The following FRK variants were observed in gnomAD, a reference collection of about 807,000 sequenced individuals.
The protein encoded by FRK is tyrosine-protein kinase FRK.
A neutral mutation model predicts 56.4 loss-of-function variants in FRK; 51 were observed. The observed-to-expected ratio is 0.90, with a 90% CI of 0.72 to 1.14. FRK has a LOEUF of 1.14. Among genes scored for constraint, FRK ranks in the 50% most tolerant of loss-of-function variants. The pLI, the probability that FRK is intolerant of heterozygous loss-of-function variation, is 0.00. For synonymous variants in FRK, 245 were observed against 217.9 expected, an observed-to-expected ratio of 1.12 and a Z score of -1.10; for missense variants, 570 against 601.4, an observed-to-expected ratio of 0.95 and a Z score of 0.55.
At chr6:115,943,846 A>G (rs1772307824) in intron 6 of FRK, among the ~76,000 whole-genome samples, 1 of 152,186 alleles carries the variant, frequency 6.6e-6, no homozygotes, top group African/African-American at 2.4e-5. Context: ...CAAAAAGCCA[A>G]TGATTGCTGA....
rs1161721076 is a variant in FRK at position 115,934,883 on chromosome 6, T to C, written c.*7531A>G. 1.3e-5 allele frequency: 2 copies of C among 152,154 alleles called. No individual in the cohort carries two copies. Among genetic ancestry groups the C allele is most frequent in the Non-Finnish European group, 1.5e-5 (1 of 68,024 alleles). 9.4% of individuals were successfully genotyped at this position (152,154 alleles called of 1,614,324 possible). The stretch of plus-strand genomic sequence containing the variant: ...TGCATTGTTTAAAAAAACAATAACT[T>C]TGTTACAAAGTTTAATTCAAACTTA... On this transcript the variant is annotated 3_prime_UTR_variant, in exon 8 of 8. Transcript: ENST00000606080.
At chr6:116,051,108 C>T (rs1396710315) in intron 1 of FRK, among the ~76,000 whole-genome samples, 4 of 152,098 alleles carry the variant, frequency 2.6e-5, no homozygotes, top group South Asian at 2.1e-4. Flanking sequence ...AATCATGCTG[C>T]CAATGTGGTA....
In FRK at chr6:115,932,818, CAGAGTCGGAA is replaced by C. The variant is rs1473980494; in HGVS notation, c.*9586_*9595del. The stretch of plus-strand genomic sequence containing the variant: ...GGCAACAGTTTCCTTTAGGCCTCCA[CAGAGTCGGAA>C]GAGTTTGGGCCCCTCCTGGTTCATT... On this transcript the variant is annotated 3_prime_UTR_variant, in exon 8 of 8. Coordinates refer to ENST00000606080, the MANE Select transcript of FRK (RefSeq NM_002031.3). 6.6e-6 allele frequency: 1 copy of C among 152,238 alleles called. No individual in the cohort carries two copies. Among genetic ancestry groups the C allele is most frequent in the African/African-American group, 2.4e-5 (1 of 41,448 alleles). The allele number at this position is 152,238 out of a possible 1,614,324, so 9.4% of individuals were successfully genotyped here. A position where few individuals can be genotyped will look rare whatever the true frequency, so the allele number is the denominator to read the frequency against.
intron 1 of FRK, among the ~76,000 whole-genome samples, chr6:116,052,881 A>G (rs775827042): frequency 5.4e-4 from 83 of 152,316 alleles, no homozygotes; most frequent in South Asian, 8.3e-4. Flanking sequence ...AGACAGAAGT[A>G]AAAGAGGAGC....
At chr6:116,098,050 G>A in the FRK span, among the ~76,000 whole-genome samples, 443 of 150,194 alleles carry the variant, frequency 2.9e-3, 4 homozygotes, top group African/African-American at 0.01. Flanking sequence ...AGATCAAGGC[G>A]CTGTCAGGGT....
chr6:115,967,492 G>A (rs374884285), intron 4 of FRK, 59 bp downstream of exon 4: 2 of 1,500,630 alleles, frequency 1.3e-6, no homozygotes, highest in East Asian at 2.3e-5. Context: ...GATATTTACA[G>A]TGTTAAATTG....
intron 1 of FRK, among the ~76,000 whole-genome samples, chr6:116,024,534 C>T (rs377480966): frequency 1.3e-4 from 20 of 151,128 alleles, no homozygotes; most frequent in Middle Eastern, 3.4e-3. Flanking sequence ...TTTGTTCTTG[C>T]GATAGTTTAC....
intron 1 of FRK, among the ~76,000 whole-genome samples, chr6:116,020,465 A>G (rs921679667): frequency 3.3e-5 from 5 of 151,814 alleles, no homozygotes; most frequent in African/African-American, 1.2e-4. Context: ...CTAATTTTGT[A>G]TTTTTAGTAG....
chr6:115,971,675 C>A (rs1386393283), intron 2 of FRK, among the ~76,000 whole-genome samples: 2 of 152,160 alleles, frequency 1.3e-5, no homozygotes, highest in African/African-American at 2.4e-5. Flanking sequence ...CTTAAAATCA[C>A]AAACAGTGTC....
At chr6:116,023,736 C>T (rs909894555) in intron 1 of FRK, among the ~76,000 whole-genome samples, 2 of 152,032 alleles carry the variant, frequency 1.3e-5, no homozygotes, top group East Asian at 1.9e-4. Context: ...TTTAGGCGTT[C>T]GAAGCCAGCC....
chr6:116,091,845 G>A, the FRK span, among the ~76,000 whole-genome samples: 1 of 152,150 alleles, frequency 6.6e-6, no homozygotes, highest in Non-Finnish European at 1.5e-5. Flanking sequence ...TGAGCCGAGG[G>A]TCGACGGAGA....
intron 2 of FRK, among the ~76,000 whole-genome samples, chr6:115,987,744 G>T (rs1409204761): frequency 6.6e-6 from 1 of 152,022 alleles, no homozygotes; most frequent in Non-Finnish European, 1.5e-5. Context: ...CTGGCACTTA[G>T]TAGGCATTAA....
chr6:115,968,677 G>C lies in FRK; in HGVS notation c.529C>G (p.Leu177Val). 2 of 1,613,730 alleles carry C rather than the reference G, an allele frequency of 1.2e-6. No individual in the cohort carries two copies. The change falls in exon 3 of 8, where the codon CTC becomes GTC. Residue 177 changes from leucine to valine, a missense_variant. Leu to Val is a conservative substitution (Grantham distance 32). Transcript: ENST00000606080. ...GTTGAAAAGATTCTTCTTCGCGTGA[G>C]AAAAAATCCCCCTTCATCCAGTCTT... is the stretch of plus-strand genomic sequence containing the variant. The part of the protein sequence containing the change: ...IKRLDEGGFF[L>V]TRRRIFSTLN...
chr6:115,959,551 T>C (rs1315057658), intron 4 of FRK, among the ~76,000 whole-genome samples: 2 of 152,194 alleles, frequency 1.3e-5, no homozygotes, highest in African/African-American at 2.4e-5. Context: ...AGCACTCACA[T>C]AGCATCTGGC....
chr6:116,001,425 A>G (rs544264132), intron 2 of FRK, among the ~76,000 whole-genome samples: 1 of 152,280 alleles, frequency 6.6e-6, no homozygotes, highest in East Asian at 1.9e-4. Flanking sequence ...AGTCTTCAAG[A>G]TGGATCCCAA....
chr6:116,002,369 A>G (rs1442507577), intron 2 of FRK, among the ~76,000 whole-genome samples: 1 of 152,230 alleles, frequency 6.6e-6, no homozygotes, highest in Non-Finnish European at 1.5e-5. Flanking sequence ...CTGTAATCCC[A>G]GCACTTTGGG....
intron 1 of FRK, among the ~76,000 whole-genome samples, chr6:116,033,017 A>G (rs1378084130): frequency 6.6e-6 from 1 of 152,142 alleles, no homozygotes; most frequent in East Asian, 1.9e-4. Context: ...TTAATAACGT[A>G]GCCTTTTGTT....
At chr6:116,092,484 G>A in the FRK span, among the ~76,000 whole-genome samples, 50 of 152,278 alleles carry the variant, frequency 3.3e-4, no homozygotes, top group African/African-American at 1.2e-3. Context: ...ATCGGTAAGA[G>A]CCACTAAATC....
intron 1 of FRK, among the ~76,000 whole-genome samples, chr6:116,058,097 C>A (rs1483886338): frequency 6.6e-6 from 1 of 151,874 alleles, no homozygotes; most frequent in Non-Finnish European, 1.5e-5. Context: ...ATATTTAAAA[C>A]TAACAGATTA....
Sources: allele counts gnomAD v4.1 joint callset (sites outside exome capture counted in the v4.1 genomes callset), GRCh38; gene constraint gnomAD v4.1.1; transcripts MANE v1.5; gene names NCBI Gene and HGNC (gene_info 2026-07-23, HGNC 2026-07-21).